Variants in MYRIP observed in about 807,000 individuals in gnomAD.
MYRIP encodes the protein rab effector MyRIP.
MYRIP carries 49 observed loss-of-function variants against 98.0 expected under a neutral mutation model. That is an observed-to-expected ratio of 0.50 (90% CI 0.40 to 0.63). MYRIP has a LOEUF of 0.63. MYRIP is among the 30% of genes least tolerant of loss of function. The pLI, the probability that MYRIP is intolerant of heterozygous loss-of-function variation, is 0.00. For synonymous variants in MYRIP, 404 were observed against 409.5 expected, an observed-to-expected ratio of 0.99 and a Z score of 0.16; for missense variants, 1,004 against 1,058.2, an observed-to-expected ratio of 0.95 and a Z score of 0.71.
intron 11 of MYRIP, among the ~76,000 whole-genome samples, chr3:40,230,282 C>G (rs963349351): frequency 3.3e-5 from 5 of 152,228 alleles, no homozygotes; most frequent in Non-Finnish European, 5.9e-5. Context: ...TCAGCTCATC[C>G]CTCTGGGGCT....
Position 40,260,237 on chromosome 3 carries a change from G to C in MYRIP, c.*2071G>C, listed in dbSNP as rs1344865829. On this transcript the variant is annotated 3_prime_UTR_variant, in exon 17 of 17. Transcript: ENST00000302541. The stretch of plus-strand genomic sequence containing the variant: ...ATAATATCTTTGATGACTTCTGAAA[G>C]TTATGCTTCCCTTCATGTTATATGC... 1.3e-5 allele frequency: 2 copies of C among 152,184 alleles called. No homozygotes were observed. The highest frequency in any genetic ancestry group is 2.9e-5 in the Non-Finnish European group (2 of 68,030). The allele number at this position is 152,184 out of a possible 1,614,324, so 9.4% of individuals were successfully genotyped here.
At chr3:39,947,925 CA>C (rs1944937064) in intron 2 of MYRIP, among the ~76,000 whole-genome samples, 2 of 152,186 alleles carry the variant, frequency 1.3e-5, no homozygotes, top group South Asian at 4.1e-4. Flanking sequence ...ACACAGTAAT[CA>C]CTTTCAGAGC....
chr3:40,197,041 C>A (rs532704749), intron 10 of MYRIP, among the ~76,000 whole-genome samples: 1 of 152,138 alleles, frequency 6.6e-6, no homozygotes. Flanking sequence ...GCCTCTATGC[C>A]AGGGGTCCCC....
chr3:39,958,877 G>C (rs1452062473), intron 2 of MYRIP, among the ~76,000 whole-genome samples: 1 of 152,090 alleles, frequency 6.6e-6, no homozygotes, highest in African/African-American at 2.4e-5. Context: ...ATATGAACAA[G>C]ACACTTCTCA....
intron 4 of MYRIP, among the ~76,000 whole-genome samples, chr3:40,156,443 C>T (rs372519377): frequency 6.7e-4 from 102 of 152,148 alleles, no homozygotes; most frequent in African/African-American, 2.0e-3. Flanking sequence ...TCCAGCTTTG[C>T]TCTTTTGGCT....
intron 11 of MYRIP, among the ~76,000 whole-genome samples, chr3:40,229,372 A>C (rs537927736): frequency 6.6e-6 from 1 of 152,222 alleles, no homozygotes; most frequent in Non-Finnish European, 1.5e-5. Flanking sequence ...GAGGAAAAAA[A>C]CGATAGAGTT....
intron 3 of MYRIP, among the ~76,000 whole-genome samples, chr3:40,080,791 C>CTTTTTTTT (rs34610302): frequency 4.4e-4 from 41 of 93,840 alleles, no homozygotes; most frequent in East Asian, 8.5e-4. Flanking sequence ...ATCCTAACTT[C>CTTTTTTTT]TTTTTTTTTT....
intron 3 of MYRIP, among the ~76,000 whole-genome samples, chr3:40,046,513 G>T (rs1310566545): frequency 2.0e-5 from 3 of 149,132 alleles, no homozygotes; most frequent in Non-Finnish European, 4.4e-5. Flanking sequence ...TAGAGGAAAG[G>T]ACTCAGAGAC....
chr3:40,120,781 G>A (rs1005192345), intron 3 of MYRIP, among the ~76,000 whole-genome samples: 2 of 152,152 alleles, frequency 1.3e-5, no homozygotes, highest in African/African-American at 4.8e-5. Context: ...AATAAACACA[G>A]TAAATTCTCT....
chr3:39,889,194 A>T (rs1024992246), intron 1 of MYRIP, among the ~76,000 whole-genome samples: 1 of 152,246 alleles, frequency 6.6e-6, no homozygotes, highest in Non-Finnish European at 1.5e-5. Flanking sequence ...TACCTAAAGG[A>T]GTATAAATAA....
At position 40,204,169 on chromosome 3, in the gene MYRIP, T is replaced by TA. The variant is rs1559451908; in HGVS notation, c.1666-5685_1666-5684insA. Reference sequence around the variant, plus strand: ...TAATATATAAATATATAATATAATATTTATATATTATATAATATATAAATA... The same window carrying TA: ...TAATATATAAATATATAATATAATATATTATATATTATATAATATATAAATA... On this transcript the variant is annotated intron_variant, in intron 10 of 16. Coordinates refer to ENST00000302541, the MANE Select transcript of MYRIP (RefSeq NM_015460.4). Among the ~76,000 whole-genome samples the TA allele has an allele frequency of 7.4e-3, 13 of 1,754 alleles. 1 individual carries two copies. The highest frequency in any genetic ancestry group is 0.17 in the East Asian group (2 of 12). 1.2% of individuals were successfully genotyped at this position (1,754 alleles called of 152,430 possible).
chr3:40,024,423 C>T (rs902150816), intron 2 of MYRIP, among the ~76,000 whole-genome samples: 6 of 151,878 alleles, frequency 4.0e-5, no homozygotes, highest in South Asian at 2.1e-4. Context: ...GTGCAGGAGG[C>T]GGGATGGTGC....
At chr3:39,893,132 A>G (rs1170274184) in intron 1 of MYRIP, among the ~76,000 whole-genome samples, 2 of 152,168 alleles carry the variant, frequency 1.3e-5, no homozygotes, top group East Asian at 1.9e-4. Context: ...TAAATTGTGC[A>G]GTTTACATAA....
intron 3 of MYRIP, among the ~76,000 whole-genome samples, chr3:40,137,362 T>C (rs897561811): frequency 9.9e-5 from 15 of 152,110 alleles, no homozygotes; most frequent in Non-Finnish European, 2.1e-4. Context: ...AATAGACCAA[T>C]AACAGGAGCT....
At chr3:40,013,854 AGC>A (rs1440132518) in intron 2 of MYRIP, among the ~76,000 whole-genome samples, 1 of 152,240 alleles carries the variant, frequency 6.6e-6, no homozygotes, top group Non-Finnish European at 1.5e-5. Context: ...AGAGCCAGTG[AGC>A]AGCTTATTAA....
At chr3:40,026,520 T>C (rs1947133875) in intron 2 of MYRIP, among the ~76,000 whole-genome samples, 1 of 152,102 alleles carries the variant, frequency 6.6e-6, no homozygotes, top group Non-Finnish European at 1.5e-5. Context: ...GAAATTAAAG[T>C]AAGACAGGCA....
chr3:40,173,116 A>G (rs1217835428), intron 8 of MYRIP: 7 of 152,248 alleles, frequency 4.6e-5, no homozygotes, highest in Admixed American at 4.6e-4. Context: ...ATGGTCAGGT[A>G]TCTATAGTAA....
intron 3 of MYRIP, among the ~76,000 whole-genome samples, chr3:40,135,534 G>A (rs1351697771): frequency 6.6e-6 from 1 of 152,088 alleles, no homozygotes; most frequent in Non-Finnish European, 1.5e-5. Context: ...TACAGAGAAC[G>A]CCATAAAGAT....
intron 1 of MYRIP, among the ~76,000 whole-genome samples, chr3:39,895,222 C>T (rs1044954275): frequency 5.3e-5 from 8 of 151,140 alleles, no homozygotes; most frequent in Non-Finnish European, 7.4e-5. Context: ...AGTCTCACTC[C>T]GTCGCCCAGG....
Sources: gnomAD v4.1 joint callset for allele counts (sites outside exome capture counted in the v4.1 genomes callset) on GRCh38, gnomAD v4.1.1 for gene constraint, MANE v1.5 for transcripts, NCBI Gene and HGNC (gene_info 2026-07-23, HGNC 2026-07-21) for gene names.